DHX38: variants seen among roughly 807,000 people sequenced by gnomAD.
DHX38 encodes the protein DEAH-box helicase 38.
DHX38 carries 100 observed loss-of-function variants against 153.1 expected under a neutral mutation model. That is an observed-to-expected ratio of 0.65 (90% CI 0.56 to 0.77). The LOEUF (loss-of-function observed/expected upper bound fraction) is 0.77. DHX38 is among the 30% of genes least tolerant of loss of function. DHX38 has a pLI of 0.00. For missense variants in DHX38, 1,440 were observed against 1,654.0 expected, an observed-to-expected ratio of 0.87 and a Z score of 2.24; for synonymous variants, 650 against 631.7, an observed-to-expected ratio of 1.03 and a Z score of -0.43.
In DHX38 at chr16:72,112,464, C is replaced by A. The variant is rs775333853; in HGVS notation, c.3651C>A (p.Thr1217=). The change falls in exon 27 of 27, where the codon ACC becomes ACA. Residue 1217 remains threonine (T), a synonymous_variant. Transcript: ENST00000268482. ...PGRKEQGEPM[T]PRRTPARFGL is the part of the protein sequence containing the mutation. ...GGAAAGAGCAAGGGGAGCCCATGAC[C>A]CCTCGCCGCACGCCAGCCCGCTTTG... The A allele has an allele frequency of 1.1e-5, 18 of 1,611,990 alleles. No homozygotes were observed. Among genetic ancestry groups the A allele is most frequent in the Non-Finnish European group, 1.5e-5 (18 of 1,180,022 alleles).
Position 72,103,975 on chromosome 16 carries a change from C to A in DHX38, c.1854C>A (p.Cys618Ter). Residue 618 changes from cysteine to a stop codon, truncating the protein, a stop_gained, in exon 14 of 27, where the codon TGC becomes TGA. Transcript: ENST00000268482. LOFTEE classifies it high-confidence loss of function. ...GCTATGCCATCCGCTTTGAAGACTG[C>A]ACTTCAGAGAACACCTTGATCAAAT... ...EVGYAIRFED[C>*]TSENTLIKYM... 1 of 1,614,192 alleles carries A rather than the reference C, an allele frequency of 6.2e-7. No homozygotes were observed. Among genetic ancestry groups the A allele is most frequent in the Non-Finnish European group, 8.5e-7 (1 of 1,180,032 alleles).
Position 72,112,424 on chromosome 16 carries a change from T to C in DHX38, c.3611T>C (p.Ile1204Thr). 6.2e-7 allele frequency: 1 copy of C among 1,609,722 alleles called. No homozygotes were observed. The highest frequency in any genetic ancestry group is 8.5e-7 in the Non-Finnish European group (1 of 1,179,894). Residue 1204 changes from isoleucine to threonine, a missense_variant, in exon 27 of 27, where the codon ATC (isoleucine) becomes ACC (threonine). By Grantham distance (89) the Ile-to-Thr change is moderately conservative. Around this residue, in one of 6 missense-constraint regions of DHX38, gnomAD observed 75 missense variants for 69.5 expected, o/e 1.08. Coordinates refer to ENST00000268482, the MANE Select transcript of DHX38 (RefSeq NM_014003.4). ...TGCTGTGTCTCCAGGTCTACGAAGA[T>C]CTACACTCCAGGCCGGAAAGAGCAA... The part of the protein sequence containing the change: ...SPLGSVRSTK[I>T]YTPGRKEQGE...
At position 72,101,375 on chromosome 16, in the gene DHX38, G is replaced by A. The variant is rs528969630; in HGVS notation, c.1387-125G>A. 1.1e-4 allele frequency: 125 copies of A among 1,147,436 alleles called. No homozygotes were observed. In the African/African-American group the frequency reaches 1.6e-3, roughly 15 times the overall value. 71.1% of individuals were successfully genotyped at this position (1,147,436 alleles called of 1,614,324 possible). A position where few individuals can be genotyped will look rare whatever the true frequency, so the allele number is the denominator to read the frequency against. ...AGGCTTGAGGATTGGAATGTGGCTC[G>A]GTGCCACCAGCACTCTGGGGGAGTT... On this transcript the variant is annotated intron_variant, in intron 10 of 26. Coordinates refer to ENST00000268482, the MANE Select transcript of DHX38 (RefSeq NM_014003.4).
chr16:72,096,083 TG>T (rs2144128186), intron 1 of DHX38, 55 bp from the exon 2 acceptor site: 1 of 1,496,674 alleles, frequency 6.7e-7, no homozygotes, highest in Non-Finnish European at 9.0e-7. Context: ...GCATTTATTG[TG>T]GGATATAGTA....
rs2042124306 is a variant in DHX38, at chr16:72,103,203, T to C, written c.1629T>C (p.Thr543=). 6.2e-7 allele frequency: 1 copy of C among 1,613,462 alleles called. No individual in the cohort carries two copies. The change falls in exon 12 of 27, where the codon ACT becomes ACC. Residue 543 remains threonine, a synonymous_variant. Coordinates refer to ENST00000268482, the MANE Select transcript of DHX38 (RefSeq NM_014003.4). ...PIFAVQQELL[T]IIRDNSIVIV... is the part of the protein sequence containing the mutation. ...TTGCAGTGCAGCAGGAGCTGCTCAC[T>C]ATTATCAGGTAACTTCACCCGGGGC... is the stretch of plus-strand genomic sequence containing the variant.
Position 72,103,772 on chromosome 16 carries a change from G to A in DHX38, c.1808G>A (p.Gly603Glu), listed in dbSNP as rs780828640. Residue 603 changes from glycine (G) to glutamate (E), a missense_variant, in exon 13 of 27, where the codon GGA (glycine) becomes GAA (glutamate). By Grantham distance (98) the Gly-to-Glu change is moderately conservative (BLOSUM62 -2). Around this residue, in one of 6 missense-constraint regions of DHX38, gnomAD observed 241 missense variants for 229.5 expected, o/e 1.05. Transcript: ENST00000268482. Reference sequence around the variant, plus strand: ...AAGAGAGTCAGTGAAGAGATGGGGGGAAACCTTGGCGAGGAGGTGAGTGGG... The same window carrying A: ...AAGAGAGTCAGTGAAGAGATGGGGGAAAACCTTGGCGAGGAGGTGAGTGGG... ...VAKRVSEEMG[G>E]NLGEEVGYAI... The A allele has an allele frequency of 3.7e-6, 6 of 1,611,260 alleles. No individual in the cohort carries two copies. Among genetic ancestry groups the A allele is most frequent in the South Asian group, 1.1e-5 (1 of 91,036 alleles).
Position 72,107,326 on chromosome 16 carries a change from C to G in DHX38, c.2601-14C>G. 6.3e-7 allele frequency: 1 copy of G among 1,598,352 alleles called. No individual in the cohort carries two copies. On this transcript the variant is annotated splice_polypyrimidine_tract_variant and intron_variant, in intron 19 of 26. Transcript: ENST00000268482. This position sits in a 1 kb window ranked among gnomAD's most constrained non-coding sequence, Gnocchi z 5.3. Reference sequence around the variant, plus strand: ...TTTCCTTGTGGTGAGAAGATGGGGTCTTCTCCCCGGCAGGCTCTACACCCA... The same window carrying G: ...TTTCCTTGTGGTGAGAAGATGGGGTGTTCTCCCCGGCAGGCTCTACACCCA...
At position 72,103,567 on chromosome 16, in the gene DHX38, C is replaced by T. The variant is rs752576096; in HGVS notation, c.1638-35C>T. ...GAGGCTGGGTGTTGGCCTTCCACTT[C>T]GGCTGATAAGCCCTTTGCCTGCTTG... On this transcript the variant is annotated intron_variant, in intron 12 of 26. Transcript: ENST00000268482. 1.4e-5 allele frequency: 22 copies of T among 1,584,518 alleles called. 1 individual carries two copies. Among genetic ancestry groups the T allele is most frequent in the South Asian group, 3.4e-5 (3 of 89,196 alleles).
rs377099982 is a variant in DHX38 at position 72,108,277 on chromosome 16, G to C, written c.3015G>C (p.Glu1005Asp). ...TCCGGGAGAAGTTCGCTGTTCCTGA[G>C]AGCGATCATTTGACCTACCTGAATG... The part of the protein sequence containing the change: ...DQIREKFAVP[E>D]SDHLTYLNVY... Residue 1005 changes from glutamate (E) to aspartate (D), a missense_variant, in exon 22 of 27, where the codon GAG becomes GAC. By Grantham distance (45) the Glu-to-Asp change is conservative. This residue lies in a region of DHX38 where 543 missense variants were observed against 717.9 expected (regional missense o/e 0.76). Coordinates refer to ENST00000268482, the MANE Select transcript of DHX38 (RefSeq NM_014003.4). 7.4e-6 allele frequency: 12 copies of C among 1,614,014 alleles called. No homozygotes were observed. Among genetic ancestry groups the C allele is most frequent in the Non-Finnish European group, 9.3e-6 (11 of 1,180,030 alleles).
intron 26 of DHX38, chr16:72,112,180 G>A: frequency 1.7e-6 from 1 of 578,182 alleles, no homozygotes; most frequent in Non-Finnish European, 3.1e-6. Flanking sequence ...ACTGTGGGAG[G>A]AGTTGTTAAA....
Position 72,103,950 on chromosome 16 carries a change from G to C in DHX38, c.1829G>C (p.Gly610Ala). ...AGCCATCTCTCTGACCTCCAGGTGG[G>C]CTATGCCATCCGCTTTGAAGACTGC... ...EMGGNLGEEV[G>A]YAIRFEDCTS... is the part of the protein sequence containing the mutation. The change falls in exon 14 of 27, where the codon GGC becomes GCC. Residue 610 changes from glycine (G) to alanine (A), a missense_variant. Around this residue, in one of 6 missense-constraint regions of DHX38, gnomAD observed 241 missense variants for 229.5 expected, o/e 1.05. Coordinates refer to ENST00000268482, the MANE Select transcript of DHX38 (RefSeq NM_014003.4). The C allele has an allele frequency of 1.9e-6, 3 of 1,614,012 alleles. No individual in the cohort carries two copies. Among genetic ancestry groups the C allele is most frequent in the Non-Finnish European group, 2.5e-6 (3 of 1,179,864 alleles).
Position 72,103,800 on chromosome 16 carries a change from TGGGG to T in DHX38, c.1824+14_1824+17del, listed in dbSNP as rs775327446. ...ACCTTGGCGAGGAGGTGAGTGGGCG[TGGGG>T]GCTGAGCCATGTAGTTATTCCCTAG... On this transcript the variant is annotated intron_variant, in intron 13 of 26. Transcript: ENST00000268482. 3.7e-6 allele frequency: 6 copies of T among 1,607,558 alleles called. No homozygotes were observed. The highest frequency in any genetic ancestry group is 4.3e-6 in the Non-Finnish European group (5 of 1,174,664).
rs2042076461 is a variant in DHX38, at chr16:72,099,844, AG to A, written c.1074del (p.Lys359SerfsTer49). 1 of 1,612,962 alleles carries A rather than the reference AG, an allele frequency of 6.2e-7. No homozygotes were observed. Among genetic ancestry groups the A allele is most frequent in the Non-Finnish European group, 8.5e-7 (1 of 1,179,396 alleles). On this transcript the variant is annotated frameshift_variant, in exon 8 of 27. Transcript: ENST00000268482. LOFTEE classifies it high-confidence loss of function. ...VRRREQHLHKQKQKRISAQRR... is the reference protein window; with the variant it reads ...VRRREQHLHKXKQKRISAQRR... ...AGGCGGGAGCAGCACCTGCATAAACAGAAGCAGAAGCGCATTTCAGCTCAGC... is the reference window on the plus strand; with the variant it reads ...AGGCGGGAGCAGCACCTGCATAAACAAAGCAGAAGCGCATTTCAGCTCAGC...
At chr16:72,100,703 G>T (rs1487312637) in intron 9 of DHX38, 106 bp downstream of exon 9, 3 of 1,484,658 alleles carry the variant, frequency 2.0e-6, no homozygotes, top group East Asian at 4.6e-5. Context: ...GGCTGAGGAG[G>T]GTGGATCATT....
Position 72,101,679 on chromosome 16 carries a change from G to A in DHX38, c.1499+67G>A, listed in dbSNP as rs1476337648. 14 of 1,346,430 alleles carry A rather than the reference G, an allele frequency of 1.0e-5. No homozygotes were observed. The East Asian group carries it at 1.3e-4, about 12-fold the overall frequency. The allele number at this position is 1,346,430 out of a possible 1,614,324, so 83.4% of individuals were successfully genotyped here. The stretch of plus-strand genomic sequence containing the variant: ...GATGGGGGCCCATGTGGGCAGTTGC[G>A]GCAGAACCCATCGACTTTGTGGCTC... On this transcript the variant is annotated intron_variant, in intron 11 of 26. Transcript: ENST00000268482.
rs781392612 is a variant in DHX38 at position 72,104,617 on chromosome 16, C to T, written c.2142C>T (p.Leu714=). 3 of 1,614,188 alleles carry T rather than the reference C, an allele frequency of 1.9e-6. No homozygotes were observed. The East Asian group carries it at 6.7e-5, about 36-fold the overall frequency. Residue 714 remains leucine, a synonymous_variant, in exon 15 of 27, where the codon CTC becomes CTT. Transcript: ENST00000268482. The surrounding 1 kb of genome is among the most constrained non-coding windows in gnomAD (Gnocchi z 4.5). The part of the protein sequence containing the change: ...IPGRTFPVDI[L]FSKTPQEDYV... Reference sequence around the variant, plus strand: ...GCCGTACCTTCCCTGTTGACATCCTCTTCAGCAAGGTATTGAGGCCACCAT... The same window carrying T: ...GCCGTACCTTCCCTGTTGACATCCTTTTCAGCAAGGTATTGAGGCCACCAT...
In DHX38 at chr16:72,104,935, C is replaced by A; in HGVS notation, c.2152-92C>A. 1 of 1,285,508 alleles carries A rather than the reference C, an allele frequency of 7.8e-7. No homozygotes were observed. The highest frequency in any genetic ancestry group is 1.1e-6 in the Non-Finnish European group (1 of 925,764). The allele number at this position is 1,285,508 out of a possible 1,614,324, so 79.6% of individuals were successfully genotyped here. On this transcript the variant is annotated intron_variant, in intron 15 of 26. Coordinates refer to ENST00000268482, the MANE Select transcript of DHX38 (RefSeq NM_014003.4). The surrounding 1 kb of genome is among the most constrained non-coding windows in gnomAD (Gnocchi z 4.5). ...GGCCCTCAAAGTCCATGGCTCCATT[C>A]CAGAGCAGTGCCTGGGCCACTGGGC... is the stretch of plus-strand genomic sequence containing the variant.
At chr16:72,112,244 C>T (rs1265716498) in intron 26 of DHX38, 169 bp from the exon 27 acceptor site, 3 of 633,696 alleles carry the variant, frequency 4.7e-6, no homozygotes, top group Admixed American at 2.8e-5. Flanking sequence ...CATCGCCAGT[C>T]GAACATGGGG....
chr16:72,112,218 T>G, intron 26 of DHX38, 195 bp from the exon 27 acceptor site: 2 of 602,102 alleles, frequency 3.3e-6, no homozygotes, highest in Non-Finnish European at 5.9e-6. Context: ...TCGGAATGAG[T>G]GAGCTTCCTT....
Sources: allele counts gnomAD v4.1 joint callset, GRCh38; gene constraint gnomAD v4.1.1; regional missense constraint gnomAD v4.1.1; non-coding constraint Gnocchi (gnomAD v3.1); transcripts MANE v1.5; gene names NCBI Gene and HGNC (gene_info 2026-07-23, HGNC 2026-07-21).